The following IFT25 variants were observed in gnomAD, a reference collection of about 807,000 sequenced individuals.
IFT25 encodes the protein intraflagellar transport protein 25 homolog.
At chr1:53,921,684 T>C in the IFT25 span, 1 of 1,611,916 alleles carries the variant, frequency 6.2e-7, no homozygotes. Context: ...CTGTTCCTTC[T>C]GCAGAAACGC....
chr1:53,930,829 G>C, the IFT25 span, among the ~76,000 whole-genome samples: 2 of 152,048 alleles, frequency 1.3e-5, no homozygotes, highest in East Asian at 1.9e-4. Context: ...CTAAATGTTT[G>C]TTCAAACAAA....
At chr1:53,923,995 T>G in the IFT25 span, 1 of 1,161,788 alleles carries the variant, frequency 8.6e-7, no homozygotes, top group South Asian at 1.3e-5. Context: ...TCAAAATACA[T>G]GAGAATAGCT....
At chr1:53,924,940 GTC>G in the IFT25 span, among the ~76,000 whole-genome samples, 2 of 152,170 alleles carry the variant, frequency 1.3e-5, no homozygotes, top group East Asian at 1.9e-4. Context: ...TAAAAGAGAA[GTC>G]TCTGTGTTTC....
the IFT25 span, among the ~76,000 whole-genome samples, chr1:53,942,878 C>T: frequency 0.056 from 8,571 of 152,238 alleles, 336 homozygotes; most frequent in Non-Finnish European, 0.085. Flanking sequence ...CATCATGTGA[C>T]GCACATCCAG....
the IFT25 span, among the ~76,000 whole-genome samples, chr1:53,926,935 G>C: frequency 6.6e-6 from 1 of 151,692 alleles, no homozygotes; most frequent in Non-Finnish European, 1.5e-5. Context: ...ATGTTTCCTA[G>C]GCCAGTCTTG....
chr1:53,924,339 C>T, the IFT25 span, among the ~76,000 whole-genome samples: 1 of 152,134 alleles, frequency 6.6e-6, no homozygotes, highest in Non-Finnish European at 1.5e-5. Context: ...TTTGCCATAG[C>T]CACGGGAAAC....
chr1:53,915,567 TAAGAA>T, the IFT25 span, among the ~76,000 whole-genome samples: 1 of 152,128 alleles, frequency 6.6e-6, no homozygotes, highest in Non-Finnish European at 1.5e-5. Context: ...GTCCCTAACC[TAAGAA>T]AAGAAGAAAA....
chr1:53,922,621 A>C, the IFT25 span, among the ~76,000 whole-genome samples: 25 of 152,322 alleles, frequency 1.6e-4, no homozygotes, highest in East Asian at 4.8e-3. Flanking sequence ...AAAGTAAGAA[A>C]AAAGGTGAAG....
the IFT25 span, among the ~76,000 whole-genome samples, chr1:53,920,393 CTTTTT>C: frequency 7.3e-6 from 1 of 136,074 alleles, no homozygotes; most frequent in Non-Finnish European, 1.6e-5. Flanking sequence ...TCAAATTGCC[CTTTTT>C]TTTTTTTTTT....
chr1:53,928,385 T>G, the IFT25 span: 1 of 1,612,582 alleles, frequency 6.2e-7, no homozygotes, highest in South Asian at 1.1e-5. Flanking sequence ...TTTCAATCCA[T>G]TGCTCAAAAT....
chr1:53,921,072 C>G, the IFT25 span, among the ~76,000 whole-genome samples: 1 of 152,068 alleles, frequency 6.6e-6, no homozygotes, highest in Non-Finnish European at 1.5e-5. Flanking sequence ...ACTTGGGAAG[C>G]TGAGGTGGGA....
At chr1:53,946,296 C>T in the IFT25 span, 2 of 152,038 alleles carry the variant, frequency 1.3e-5, no homozygotes, top group Non-Finnish European at 2.9e-5. Context: ...GCCCCGCCTC[C>T]AGGTCCGGCC....
At chr1:53,920,079 G>A in the IFT25 span, among the ~76,000 whole-genome samples, 1 of 149,532 alleles carries the variant, frequency 6.7e-6, no homozygotes, top group South Asian at 2.1e-4. Flanking sequence ...GATTATAGGT[G>A]TGGGCCACCA....
the IFT25 span, among the ~76,000 whole-genome samples, chr1:53,914,441 A>G: frequency 4.6e-5 from 7 of 152,206 alleles, no homozygotes; most frequent in South Asian, 1.4e-3. Context: ...ATCTTTAACC[A>G]GAAGTATCCA....
At chr1:53,930,472 C>T in the IFT25 span, among the ~76,000 whole-genome samples, 3 of 152,174 alleles carry the variant, frequency 2.0e-5, no homozygotes, top group Admixed American at 2.0e-4. Context: ...TCTCTTCCAT[C>T]ACTGTGGTCA....
At chr1:53,932,362 G>A in the IFT25 span, among the ~76,000 whole-genome samples, 2 of 151,734 alleles carry the variant, frequency 1.3e-5, no homozygotes. Flanking sequence ...GATTTTCTAA[G>A]ATCCCTTCTG....
the IFT25 span, among the ~76,000 whole-genome samples, chr1:53,914,724 G>A: frequency 6.6e-6 from 1 of 152,124 alleles, no homozygotes; most frequent in African/African-American, 2.4e-5. Context: ...CTATCTCCCA[G>A]AAGGCTATCA....
At chr1:53,915,620 C>A in the IFT25 span, among the ~76,000 whole-genome samples, 1 of 152,046 alleles carries the variant, frequency 6.6e-6, no homozygotes. Flanking sequence ...GTTTGTCTTG[C>A]GAGGGTAAGG....
the IFT25 span, among the ~76,000 whole-genome samples, chr1:53,911,952 C>T: frequency 3.9e-5 from 6 of 152,206 alleles, 1 homozygote; most frequent in South Asian, 6.2e-4. Flanking sequence ...TCCTCGGGCC[C>T]TTTTTTGGGG....
Sources: allele counts gnomAD v4.1 joint callset (sites outside exome capture counted in the v4.1 genomes callset), GRCh38; gene constraint gnomAD v4.1.1; transcripts MANE v1.5; gene names NCBI Gene and HGNC (gene_info 2026-07-23, HGNC 2026-07-21).